The following NAALADL2 variants were observed in gnomAD, a reference collection of about 807,000 sequenced individuals.
The protein encoded by NAALADL2 is inactive N-acetylated-alpha-linked acidic dipeptidase-like protein 2.
A neutral mutation model predicts 87.2 loss-of-function variants in NAALADL2; 76 were observed. The observed-to-expected ratio is 0.87, with a 90% CI of 0.72 to 1.05. The LOEUF is 1.05. Among genes scored for constraint, NAALADL2 ranks in the 50% least tolerant of loss-of-function variants. The probability of loss-of-function intolerance (pLI) is 0.00; values close to 1 mark genes in which losing one functional copy is unlikely to be tolerated. For missense variants in NAALADL2, 1,089 were observed against 945.8 expected, an observed-to-expected ratio of 1.15 and a Z score of -1.99; for synonymous variants, 354 against 331.0, an observed-to-expected ratio of 1.07 and a Z score of -0.75.
intron 1 of NAALADL2, chr3:174,458,447 A>G (rs1577955616): frequency 6.6e-6 from 1 of 152,222 alleles, no homozygotes; most frequent in Non-Finnish European, 1.5e-5. Context: ...TTGGTATCCA[A>G]TACTTAATAA....
chr3:174,646,265 A>G (rs921760268), intron 2 of NAALADL2, among the ~76,000 whole-genome samples: 3 of 152,196 alleles, frequency 2.0e-5, no homozygotes, highest in African/African-American at 7.2e-5. Context: ...TATGGCTTTG[A>G]AATCTGTTTT....
intron 9 of NAALADL2, among the ~76,000 whole-genome samples, chr3:175,496,626 C>T (rs917454069): frequency 6.6e-6 from 1 of 152,150 alleles, no homozygotes; most frequent in Admixed American, 6.5e-5. Flanking sequence ...GCTATCACAG[C>T]TCACTGCAGC....
chr3:175,361,670 G>A (rs1195317463), intron 5 of NAALADL2, among the ~76,000 whole-genome samples: 1 of 148,346 alleles, frequency 6.7e-6, no homozygotes, highest in East Asian at 2.0e-4. Flanking sequence ...GTCTTCTTTT[G>A]AGAAGTGTCT....
chr3:175,235,030 A>G (rs868273343), intron 3 of NAALADL2: 24 of 149,386 alleles, frequency 1.6e-4, no homozygotes, highest in African/African-American at 4.9e-4. Context: ...TTCTAACTCT[A>G]TGTAAAAGTG....
At chr3:175,758,202 A>T (rs1747524138) in intron 13 of NAALADL2, among the ~76,000 whole-genome samples, 1 of 152,070 alleles carries the variant, frequency 6.6e-6, no homozygotes, top group Non-Finnish European at 1.5e-5. Context: ...TAATTACAGT[A>T]TACCTTGTGT....
At chr3:175,220,642 A>G (rs2109345925) in intron 2 of NAALADL2, among the ~76,000 whole-genome samples, 1 of 152,166 alleles carries the variant, frequency 6.6e-6, no homozygotes, top group East Asian at 1.9e-4. Context: ...ATATATAGCC[A>G]GTAATTCCCT....
chr3:175,362,759 C>T (rs1289066724), intron 5 of NAALADL2, among the ~76,000 whole-genome samples: 1 of 148,060 alleles, frequency 6.8e-6, no homozygotes, highest in Admixed American at 6.9e-5. Flanking sequence ...AATCGCCACA[C>T]TGTTTTCCAT....
intron 3 of NAALADL2, among the ~76,000 whole-genome samples, chr3:175,234,500 G>A (rs1186341799): frequency 2.6e-5 from 4 of 152,106 alleles, no homozygotes; most frequent in Non-Finnish European, 5.9e-5. Flanking sequence ...CTACAGCTTT[G>A]GAGAGGCAAA....
At chr3:175,691,574 A>G (rs1271721592) in intron 11 of NAALADL2, among the ~76,000 whole-genome samples, 3 of 151,886 alleles carry the variant, frequency 2.0e-5, no homozygotes, top group African/African-American at 7.2e-5. Flanking sequence ...CTTCCTTGTC[A>G]ATTTTTACAT....
intron 13 of NAALADL2, among the ~76,000 whole-genome samples, chr3:175,760,213 T>G (rs1313099754): frequency 1.3e-5 from 2 of 152,296 alleles, no homozygotes; most frequent in South Asian, 2.1e-4. Flanking sequence ...AAAACAGGAT[T>G]GAGTACTGGA....
chr3:175,797,521 G>A (rs536575028), intron 13 of NAALADL2, among the ~76,000 whole-genome samples: 1 of 152,168 alleles, frequency 6.6e-6, no homozygotes, highest in East Asian at 1.9e-4. Flanking sequence ...GAGTCCTTGT[G>A]GTTGTAAAGG....
intron 3 of NAALADL2, among the ~76,000 whole-genome samples, chr3:174,741,310 T>G (rs998102522): frequency 2.9e-4 from 44 of 151,748 alleles, no homozygotes; most frequent in Non-Finnish European, 5.9e-5. Flanking sequence ...AGATTGACTT[T>G]ATTAGGAAGA....
chr3:175,208,462 C>T (rs1207031007), intron 2 of NAALADL2, among the ~76,000 whole-genome samples: 1 of 152,092 alleles, frequency 6.6e-6, no homozygotes, highest in African/African-American at 2.4e-5. Context: ...CAGCCTCTAA[C>T]AAAGGCTTTT....
intron 10 of NAALADL2, among the ~76,000 whole-genome samples, chr3:175,595,192 T>A (rs569425219): frequency 3.9e-5 from 6 of 152,196 alleles, no homozygotes; most frequent in South Asian, 4.1e-4. Flanking sequence ...AAAGTAGGGG[T>A]CCAGTTTCAT....
intron 9 of NAALADL2, among the ~76,000 whole-genome samples, chr3:175,574,322 C>T (rs1050153249): frequency 1.3e-5 from 2 of 152,122 alleles, no homozygotes; most frequent in Admixed American, 6.6e-5. Context: ...GAGGGTCTAG[C>T]TTAAATAGGG....
chr3:175,401,287 G>A (rs1770527911), intron 5 of NAALADL2, among the ~76,000 whole-genome samples: 1 of 152,058 alleles, frequency 6.6e-6, no homozygotes, highest in Non-Finnish European at 1.5e-5. Flanking sequence ...GCTTTGAATT[G>A]TGGAACAATC....
chr3:175,697,792 T>C (rs1328449649), intron 11 of NAALADL2, among the ~76,000 whole-genome samples: 2 of 144,386 alleles, frequency 1.4e-5, no homozygotes, highest in African/African-American at 2.6e-5. Context: ...TATGTGTGTG[T>C]ATATATGTAT....
At chr3:175,025,404 T>C (rs1201839901) in intron 1 of NAALADL2, among the ~76,000 whole-genome samples, 1 of 152,148 alleles carries the variant, frequency 6.6e-6, no homozygotes, top group Non-Finnish European at 1.5e-5. Flanking sequence ...TTATCTACCA[T>C]TTTCTAACCA....
At chr3:175,731,426 A>T (rs1743728560) in intron 11 of NAALADL2, among the ~76,000 whole-genome samples, 1 of 152,200 alleles carries the variant, frequency 6.6e-6, no homozygotes, top group Admixed American at 6.5e-5. Context: ...TGTTTTTGAC[A>T]TAGAATATTA....
Sources: gnomAD v4.1 joint callset for allele counts (sites outside exome capture counted in the v4.1 genomes callset) on GRCh38, gnomAD v4.1.1 for gene constraint, MANE v1.5 for transcripts, NCBI Gene and HGNC (gene_info 2026-07-23, HGNC 2026-07-21) for gene names.